Variants in NSD2 observed in about 807,000 individuals in gnomAD.
NSD2 encodes the protein histone-lysine N-methyltransferase NSD2.
A neutral mutation model predicts 139.0 loss-of-function variants in NSD2; 12 were observed. That is an observed-to-expected ratio of 0.09 (90% CI 0.06 to 0.14). The LOEUF (loss-of-function observed/expected upper bound fraction) is 0.14, where lower values mean the gene tolerates loss of function less well. NSD2 is among the 10% of genes least tolerant of loss of function. The pLI, the probability that NSD2 is intolerant of heterozygous loss-of-function variation, is 1.00. For missense variants in NSD2, 1,155 were observed against 1,745.0 expected (o/e 0.66, Z 6.02); for synonymous variants, 669 against 648.7 (o/e 1.03, Z -0.48).
chr4:1,920,925 C>T (rs906423221), intron 5 of NSD2, among the ~76,000 whole-genome samples: 62 of 152,118 alleles, frequency 4.1e-4, no homozygotes, highest in African/African-American at 1.4e-3. Flanking sequence ...GTAGTCTCAA[C>T]TACTCAGGAG....
At position 1,981,643 on chromosome 4, in the gene NSD2, G is replaced by A; in HGVS notation, c.*2734G>A. Reference sequence around the variant, plus strand: ...AACCCAGCTGTCCGTCCTCAGGCCGGCCTTTCTTCCGGCGACACCCGTCCA... The same window carrying A: ...AACCCAGCTGTCCGTCCTCAGGCCGACCTTTCTTCCGGCGACACCCGTCCA... On this transcript the variant is annotated 3_prime_UTR_variant, in exon 22 of 22. Coordinates refer to ENST00000508803, the MANE Select transcript of NSD2 (RefSeq NM_001042424.3). 1 of 387,456 alleles carries A rather than the reference G, an allele frequency of 2.6e-6. No homozygotes were observed. Among genetic ancestry groups the A allele is most frequent in the Non-Finnish European group, 4.6e-6 (1 of 219,462 alleles). The allele number at this position is 387,456 out of a possible 1,614,324, so 24.0% of individuals were successfully genotyped here.
At position 1,981,543 on chromosome 4, in the gene NSD2, C is replaced by T. The variant is rs112691599; in HGVS notation, c.*2634C>T. 1,290 of 303,920 alleles carry T rather than the reference C, an allele frequency of 4.2e-3. 17 individuals carry two copies. Among genetic ancestry groups the T allele is most frequent in the African/African-American group, 0.026 (1,221 of 47,318 alleles). 18.8% of individuals were successfully genotyped at this position (303,920 alleles called of 1,614,324 possible). ...ACCCATACCCACCCGTGTGCGCCCA[C>T]AGGGGGATGTGTCCGAATGGGCAGC... On this transcript the variant is annotated 3_prime_UTR_variant, in exon 22 of 22. Coordinates refer to ENST00000508803, the MANE Select transcript of NSD2 (RefSeq NM_001042424.3).
At chr4:1,964,630 G>C (rs1725691691) in intron 18 of NSD2, among the ~76,000 whole-genome samples, 1 of 152,120 alleles carries the variant, frequency 6.6e-6, no homozygotes, top group South Asian at 2.1e-4. Context: ...GAGGTGCGCT[G>C]CGCTGCCGTT....
rs902106382 is a variant in NSD2 at position 1,979,113 on chromosome 4, G to C, written c.*204G>C. On this transcript the variant is annotated 3_prime_UTR_variant, in exon 22 of 22. Transcript: ENST00000508803. ...TGCGTCTGCACTGATGACCGTCTGA[G>C]CCCAGCTCAGCGTTCCTGGACAAAC... The C allele has an allele frequency of 1.9e-6, 1 of 514,310 alleles. No individual in the cohort carries two copies. The highest frequency in any genetic ancestry group is 3.4e-5 in the East Asian group (1 of 29,294). 31.9% of individuals were successfully genotyped at this position (514,310 alleles called of 1,614,324 possible). A position where few individuals can be genotyped will look rare whatever the true frequency, so the allele number is the denominator to read the frequency against.
intron 6 of NSD2, among the ~76,000 whole-genome samples, chr4:1,934,572 A>C (rs1045946178): frequency 6.6e-6 from 1 of 150,730 alleles, no homozygotes; most frequent in African/African-American, 2.4e-5. Flanking sequence ...TTATAAGGCC[A>C]GGCGCGGTGG....
chr4:1,919,866 T>G (rs1719890920), intron 5 of NSD2, among the ~76,000 whole-genome samples: 1 of 150,008 alleles, frequency 6.7e-6, no homozygotes, highest in Non-Finnish European at 1.5e-5. Flanking sequence ...AACCAGGGAG[T>G]CGGAGGTTGC....
chr4:1,948,128 G>C lies in NSD2; in HGVS notation c.1882-2944G>C. On this transcript the variant is annotated intron_variant, in intron 9 of 21. Coordinates refer to ENST00000508803, the MANE Select transcript of NSD2 (RefSeq NM_001042424.3). The surrounding 1 kb of genome is among the most constrained non-coding windows in gnomAD (Gnocchi z 4.5). ...GGTACTATCTTATTCTGAGTAGAGAGTGGAGAAAGTATTTTCAGACTGAAG... is the reference window on the plus strand; with the variant it reads ...GGTACTATCTTATTCTGAGTAGAGACTGGAGAAAGTATTTTCAGACTGAAG... 1.9e-6 allele frequency: 2 copies of C among 1,061,120 alleles called. No homozygotes were observed. Among genetic ancestry groups the C allele is most frequent in the Non-Finnish European group, 2.3e-6 (2 of 876,362 alleles). 65.7% of individuals were successfully genotyped at this position (1,061,120 alleles called of 1,614,324 possible).
Sources: allele counts gnomAD v4.1 joint callset (sites outside exome capture counted in the v4.1 genomes callset), GRCh38; gene constraint gnomAD v4.1.1; non-coding constraint Gnocchi (gnomAD v3.1); transcripts MANE v1.5; gene names NCBI Gene and HGNC (gene_info 2026-07-23, HGNC 2026-07-21).